The following NDFIP2 variants were observed in gnomAD, a reference collection of about 807,000 sequenced individuals.
NDFIP2 encodes NEDD4 family-interacting protein 2.
A neutral mutation model predicts 36.0 loss-of-function variants in NDFIP2; 19 were observed. The observed-to-expected ratio is 0.53, with a 90% CI of 0.37 to 0.77. The LOEUF (loss-of-function observed/expected upper bound fraction) is 0.77, where lower values mean the gene tolerates loss of function less well. NDFIP2 is among the 30% of genes least tolerant of loss of function. The pLI is 0.00. For synonymous variants in NDFIP2, 181 were observed against 167.7 expected (o/e 1.08, Z -0.61); for missense variants, 446 against 435.8 (o/e 1.02, Z -0.21).
chr13:79,520,830 C>G lies in NDFIP2; in HGVS notation c.342C>G (p.Asn114Lys), dbSNP rs778334481. The G allele has an allele frequency of 1.2e-6, 2 of 1,612,790 alleles. No homozygotes were observed. The highest frequency in any genetic ancestry group is 1.1e-5 in the South Asian group (1 of 90,982). ...CTTAGCTTCTTAATGAAGAGGATAA[C>G]TCAGAATCATCGGCTATAGAGCAGC... is the stretch of plus-strand genomic sequence containing the variant. ...RYQVLLNEED[N>K]SESSAIEQPP... Residue 114 changes from asparagine (N) to lysine (K), a missense_variant, in exon 2 of 8, where the codon AAC (asparagine) becomes AAG (lysine). Asn to Lys is a moderately conservative substitution (Grantham distance 94, BLOSUM62 0). Transcript: ENST00000218652.
intron 2 of NDFIP2, among the ~76,000 whole-genome samples, chr13:79,532,267 G>A (rs990195892): frequency 5.3e-5 from 8 of 152,210 alleles, no homozygotes; most frequent in Non-Finnish European, 4.4e-5. Flanking sequence ...CAAACCTTCA[G>A]TTTGTAAGAA....
In NDFIP2 at chr13:79,532,745, T is replaced by TA. The variant is rs1220551443; in HGVS notation, c.488-571dup. ...GAGCCGTTGCTGAAATCAAGATGTG[T>TA]AAAAAAATTACCCCTTGTATGTTAT... On this transcript the variant is annotated intron_variant, in intron 2 of 7. Transcript: ENST00000218652. 7.2e-5 allele frequency among the ~76,000 whole-genome samples: 11 copies of TA among 152,206 alleles called. 2 individuals are homozygous for TA. The highest frequency in any genetic ancestry group is 2.4e-4 in the African/African-American group (10 of 41,548).
Position 79,554,262 on chromosome 13 carries a change from A to G in NDFIP2, c.*1749A>G, listed in dbSNP as rs1876022625. The G allele has an allele frequency of 6.6e-6, 1 of 151,812 alleles. No individual in the cohort carries two copies. Among genetic ancestry groups the G allele is most frequent in the Admixed American group, 6.6e-5 (1 of 15,242 alleles). The allele number at this position is 151,812 out of a possible 1,614,324, so 9.4% of individuals were successfully genotyped here. ...GTTTAGTTGCCTAATTTGGAAGTTA[A>G]TTAAAATTAAACTGTACTAATAACA... On this transcript the variant is annotated 3_prime_UTR_variant, in exon 8 of 8. Transcript: ENST00000218652.
At chr13:79,524,897 G>A (rs563012848) in intron 2 of NDFIP2, among the ~76,000 whole-genome samples, 27 of 152,216 alleles carry the variant, frequency 1.8e-4, no homozygotes, top group Non-Finnish European at 3.4e-4. Flanking sequence ...ATGCCTTGAT[G>A]CCTCCTTTGT....
intron 6 of NDFIP2, among the ~76,000 whole-genome samples, chr13:79,549,330 T>A (rs1875811114): frequency 6.6e-6 from 1 of 151,960 alleles, no homozygotes; most frequent in Non-Finnish European, 1.5e-5. Flanking sequence ...CCGTGTTCTT[T>A]ATTGAGTTTC....
chr13:79,535,037 T>C (rs778566851), intron 3 of NDFIP2, among the ~76,000 whole-genome samples: 1 of 152,184 alleles, frequency 6.6e-6, no homozygotes, highest in Non-Finnish European at 1.5e-5. Context: ...TGGCATAATA[T>C]AGCTGAGTCA....
intron 1 of NDFIP2, among the ~76,000 whole-genome samples, chr13:79,512,678 A>G (rs963500024): frequency 2.0e-5 from 3 of 152,036 alleles, no homozygotes; most frequent in African/African-American, 7.2e-5. Context: ...GGGCCAATGA[A>G]CCCTTTTTTT....
At chr13:79,509,745 G>C (rs1005644150) in intron 1 of NDFIP2, among the ~76,000 whole-genome samples, 1 of 151,886 alleles carries the variant, frequency 6.6e-6, no homozygotes, top group Non-Finnish European at 1.5e-5. Context: ...TCCCACAGTA[G>C]GCCTTGCATC....
intron 2 of NDFIP2, 32 bp downstream of exon 2, chr13:79,521,007 T>A (rs1874556175): frequency 6.5e-7 from 1 of 1,531,862 alleles, no homozygotes; most frequent in African/African-American, 1.5e-5. Flanking sequence ...TTTTATTAGT[T>A]CTTTTTTTTT....
rs1053082513 is a variant in NDFIP2, at chr13:79,554,844, A to C, written c.*2331A>C. ...ACTGGGGATTGGAAGTTAATACAAA[A>C]AAATTTCAAATTATTTCTATTGTAA... On this transcript the variant is annotated 3_prime_UTR_variant, in exon 8 of 8. Transcript: ENST00000218652. 6.6e-6 allele frequency: 1 copy of C among 151,962 alleles called. No homozygotes were observed. The highest frequency in any genetic ancestry group is 2.4e-5 in the African/African-American group (1 of 41,426). The allele number at this position is 151,962 out of a possible 1,614,324, so 9.4% of individuals were successfully genotyped here.
intron 3 of NDFIP2, among the ~76,000 whole-genome samples, chr13:79,538,200 A>G (rs548319914): frequency 3.9e-5 from 6 of 152,312 alleles, no homozygotes; most frequent in African/African-American, 9.6e-5. Context: ...ACCAGGCCCA[A>G]TCTCCAACAG....
intron 2 of NDFIP2, among the ~76,000 whole-genome samples, chr13:79,523,779 A>G (rs1020301338): frequency 2.0e-5 from 3 of 152,260 alleles, no homozygotes; most frequent in African/African-American, 7.2e-5. Flanking sequence ...TAAGGCTACT[A>G]TTGATCTTCT....
At chr13:79,518,151 A>C (rs1594850219) in intron 1 of NDFIP2, among the ~76,000 whole-genome samples, 1 of 152,228 alleles carries the variant, frequency 6.6e-6, no homozygotes, top group Non-Finnish European at 1.5e-5. Flanking sequence ...TGGGAGACGG[A>C]TGGTAATACC....
rs984761493 is a variant in NDFIP2, at chr13:79,555,902, T to G, written c.*3389T>G. The G allele has an allele frequency of 2.6e-5, 4 of 152,176 alleles. No homozygotes were observed. The highest frequency in any genetic ancestry group is 1.3e-4 in the Admixed American group (2 of 15,272). 9.4% of individuals were successfully genotyped at this position (152,176 alleles called of 1,614,324 possible). On this transcript the variant is annotated 3_prime_UTR_variant, in exon 8 of 8. Coordinates refer to ENST00000218652, the MANE Select transcript of NDFIP2 (RefSeq NM_019080.3). ...TCAGTTTAAGATTCGCATATTATCATGACTGTGACCTCACTAAACTGTTTA... is the reference window on the plus strand; with the variant it reads ...TCAGTTTAAGATTCGCATATTATCAGGACTGTGACCTCACTAAACTGTTTA...
intron 1 of NDFIP2, among the ~76,000 whole-genome samples, chr13:79,484,844 A>G (rs1289304209): frequency 6.6e-6 from 1 of 152,166 alleles, no homozygotes; most frequent in South Asian, 2.1e-4. Flanking sequence ...GACCTTGCTT[A>G]GTTACTTTAC....
chr13:79,500,155 A>G (rs1419075986), intron 1 of NDFIP2, among the ~76,000 whole-genome samples: 1 of 150,328 alleles, frequency 6.7e-6, no homozygotes, highest in Non-Finnish European at 1.5e-5. Context: ...TGGAACAGCT[A>G]GATCCCCATG....
Position 79,533,326 on chromosome 13 carries a change from C to T in NDFIP2, c.491C>T (p.Thr164Ile). 6.3e-7 allele frequency: 1 copy of T among 1,595,876 alleles called. No individual in the cohort carries two copies. The highest frequency in any genetic ancestry group is 1.2e-5 in the South Asian group (1 of 86,930). ...TCTTTTTGAATTCTTTCTTCAGATA[C>T]AGAAGTTTACGGTGAGTTTTATCCC... ...ITVEVPTTSD[T>I]EVYGEFYPVP... The change falls in exon 3 of 8, where the codon ACA becomes ATA. Residue 164 changes from threonine to isoleucine, a missense_variant. By Grantham distance (89) the Thr-to-Ile change is moderately conservative. Around this residue, in one of 2 missense-constraint regions of NDFIP2, gnomAD observed 369 missense variants for 304.8 expected, o/e 1.21. Transcript: ENST00000218652.
chr13:79,542,512 GT>G (rs1291989853), intron 4 of NDFIP2, among the ~76,000 whole-genome samples: 3 of 143,176 alleles, frequency 2.1e-5, no homozygotes, highest in African/African-American at 2.6e-5. Context: ...TCTGTTTTTT[GT>G]TTTTTTTTTC....
At chr13:79,513,505 A>G (rs1874154674) in intron 1 of NDFIP2, among the ~76,000 whole-genome samples, 1 of 152,206 alleles carries the variant, frequency 6.6e-6, no homozygotes, top group Non-Finnish European at 1.5e-5. Flanking sequence ...GATGAAACAT[A>G]TAGATATTAA....
Sources: allele counts gnomAD v4.1 joint callset (sites outside exome capture counted in the v4.1 genomes callset), GRCh38; gene constraint gnomAD v4.1.1; regional missense constraint gnomAD v4.1.1; transcripts MANE v1.5; gene names NCBI Gene and HGNC (gene_info 2026-07-23, HGNC 2026-07-21).